The following NSMAF variants were observed in gnomAD, a reference collection of about 807,000 sequenced individuals.
The protein encoded by NSMAF is neutral sphingomyelinase activation associated factor, also known as protein FAN.
Under a neutral mutation model 134.9 loss-of-function variants are expected in NSMAF, and 90 were observed. That is an observed-to-expected ratio of 0.67 (90% CI 0.56 to 0.79). NSMAF has a LOEUF of 0.79. NSMAF is among the 30% of genes least tolerant of loss of function. NSMAF has a pLI of 0.00. For synonymous variants in NSMAF, 358 were observed against 389.6 expected (o/e 0.92, Z 0.96); for missense variants, 1,010 against 1,119.0 (o/e 0.90, Z 1.39).
chr8:58,653,083 G>T (rs1250976143), intron 1 of NSMAF, among the ~76,000 whole-genome samples: 2 of 152,162 alleles, frequency 1.3e-5, no homozygotes, highest in Non-Finnish European at 2.9e-5. Flanking sequence ...AACTGAGGAT[G>T]GGGGCACAGC....
At position 58,595,639 on chromosome 8, in the gene NSMAF, G is replaced by A; in HGVS notation, c.1813C>T (p.Leu605=). ...DSPGEESFED[L]TEESKTLAWN... ...GCCAGTGTTTTGCTTTCTTCGGTCAGGTCTTCAAAAGACTCTTCACCTGGA... is the reference window on the plus strand; with the variant it reads ...GCCAGTGTTTTGCTTTCTTCGGTCAAGTCTTCAAAAGACTCTTCACCTGGA... Residue 605 remains leucine (L), a synonymous_variant, in exon 22 of 31, where the codon CTG becomes TTG. Transcript: ENST00000038176. The A allele has an allele frequency of 1.9e-6, 3 of 1,613,714 alleles. No homozygotes were observed. Among genetic ancestry groups the A allele is most frequent in the Non-Finnish European group, 8.5e-7 (1 of 1,179,748 alleles).
rs746607525 is a variant in NSMAF, at chr8:58,590,829, C to G, written c.2019+38G>C. The G allele has an allele frequency of 1.2e-5, 19 of 1,524,106 alleles. No homozygotes were observed. In the African/African-American group the frequency reaches 2.1e-4, roughly 16 times the overall value. The allele number at this position is 1,524,106 out of a possible 1,614,324, so 94.4% of individuals were successfully genotyped here. A position where few individuals can be genotyped will look rare whatever the true frequency, so the allele number is the denominator to read the frequency against. Reference sequence around the variant, plus strand: ...TGGGTGTGTATAAAACAAACTACTACACGGATTTCTATCATAATACTATTA... The same window carrying G: ...TGGGTGTGTATAAAACAAACTACTAGACGGATTTCTATCATAATACTATTA... On this transcript the variant is annotated intron_variant, in intron 24 of 30. Transcript: ENST00000038176.
intron 2 of NSMAF, among the ~76,000 whole-genome samples, chr8:58,637,682 G>A (rs754591361): frequency 7.9e-5 from 12 of 152,076 alleles, no homozygotes; most frequent in South Asian, 2.1e-4. Flanking sequence ...AAAAAACAGC[G>A]TTGCATTTCT....
chr8:58,607,623 G>A, intron 11 of NSMAF, 146 bp downstream of exon 11: 1 of 657,670 alleles, frequency 1.5e-6, no homozygotes, highest in Non-Finnish European at 2.7e-6. Flanking sequence ...TTCTCCAAAA[G>A]AAAGAACAGC....
chr8:58,629,184 C>T (rs1323818893), intron 6 of NSMAF, among the ~76,000 whole-genome samples: 2 of 152,092 alleles, frequency 1.3e-5, no homozygotes, highest in East Asian at 1.9e-4. Flanking sequence ...GTCCACTTGA[C>T]GGTGTGTCAT....
rs1806837781 is a variant in NSMAF at position 58,623,401 on chromosome 8, G to T, written c.480C>A (p.Asp160Glu). 6.2e-6 allele frequency: 10 copies of T among 1,614,056 alleles called. No homozygotes were observed. Among genetic ancestry groups the T allele is most frequent in the Non-Finnish European group, 8.5e-6 (10 of 1,179,936 alleles). ...LLQLHRASCL[D>E]KLGDQTAMIT... ...CCATGGCGGTTTGGTCACCCAATTT[G>T]TCAAGGCAGGATGCTCTGTGAAGCT... Residue 160 changes from aspartate to glutamate, a missense_variant, in exon 8 of 31, where the codon GAC becomes GAA. Physicochemically the swap from Asp to Glu is conservative, Grantham distance 45. Transcript: ENST00000038176.
chr8:58,643,073 T>C lies in NSMAF; in HGVS notation c.60A>G (p.Arg20=), dbSNP rs2129147334. The C allele has an allele frequency of 6.2e-7, 1 of 1,613,532 alleles. No individual in the cohort carries two copies. Among genetic ancestry groups the C allele is most frequent in the East Asian group, 2.2e-5 (1 of 44,854 alleles). Residue 20 remains arginine (R), a splice_region_variant and synonymous_variant, in exon 2 of 31, where the codon AGA becomes AGG. Coordinates refer to ENST00000038176, the MANE Select transcript of NSMAF (RefSeq NM_003580.4). Reference sequence around the variant, plus strand: ...CCAAGTTAAGCAGCAGCAAGGAAAATCTGGATTTGGGGCGAAAAAACAACT... The same window carrying C: ...CCAAGTTAAGCAGCAGCAAGGAAAACCTGGATTTGGGGCGAAAAAACAACT... The part of the protein sequence containing the change: ...EQQLQLYSKE[R]FSLLLLNLEE...
At chr8:58,657,507 C>A (rs766765582) in intron 1 of NSMAF, among the ~76,000 whole-genome samples, 1 of 152,204 alleles carries the variant, frequency 6.6e-6, no homozygotes, top group Non-Finnish European at 1.5e-5. Context: ...CCGGAAAAAT[C>A]TGGGCAGAAA....
At chr8:58,643,606 CAAGT>C (rs1807381974) in intron 1 of NSMAF, among the ~76,000 whole-genome samples, 1 of 151,530 alleles carries the variant, frequency 6.6e-6, no homozygotes, top group Non-Finnish European at 1.5e-5. Flanking sequence ...AGTCTCAGCT[CAAGT>C]AACCTCCACC....
rs144534227 is a variant in NSMAF, at chr8:58,659,427, C to T, written c.59+146G>A. ...CGACCTCAGGTTTCCGCCACAGCCC[C>T]CAGCCCAGGCCCTGGACACGCGTCC... On this transcript the variant is annotated intron_variant, in intron 1 of 30. Coordinates refer to ENST00000038176, the MANE Select transcript of NSMAF (RefSeq NM_003580.4). 6,921 of 1,504,126 alleles carry T rather than the reference C, an allele frequency of 4.6e-3. 27 individuals carry two copies. The highest frequency in any genetic ancestry group is 5.4e-3 in the Non-Finnish European group (6,162 of 1,131,684). 93.2% of individuals were successfully genotyped at this position (1,504,126 alleles called of 1,614,324 possible).
At chr8:58,616,622 T>C (rs1806659822) in intron 9 of NSMAF, among the ~76,000 whole-genome samples, 1 of 152,150 alleles carries the variant, frequency 6.6e-6, no homozygotes, top group Admixed American at 6.5e-5. Flanking sequence ...AGGGCAGCTA[T>C]GAAAAACCTA....
At chr8:58,601,058 T>G in intron 16 of NSMAF, 1 of 383,402 alleles carries the variant, frequency 2.6e-6, no homozygotes, top group Non-Finnish European at 4.6e-6. Context: ...CTTTAAGATT[T>G]AATATTAGGC....
intron 2 of NSMAF, among the ~76,000 whole-genome samples, chr8:58,641,205 G>A (rs914399650): frequency 5.9e-5 from 9 of 152,006 alleles, no homozygotes; most frequent in African/African-American, 2.2e-4. Context: ...ACAGGCATGA[G>A]CCACCACACC....
At position 58,631,960 on chromosome 8, in the gene NSMAF, G is replaced by C. The variant is rs1218014178; in HGVS notation, c.334-414C>G. 8.5e-5 allele frequency among the ~76,000 whole-genome samples: 13 copies of C among 152,112 alleles called. 1 individual carries two copies. ...AACTTAGAGGTCATCTGGGCACATGGTGTTTTCACATGCACTGGGCCACTG... is the reference window on the plus strand; with the variant it reads ...AACTTAGAGGTCATCTGGGCACATGCTGTTTTCACATGCACTGGGCCACTG... On this transcript the variant is annotated intron_variant, in intron 5 of 30. Coordinates refer to ENST00000038176, the MANE Select transcript of NSMAF (RefSeq NM_003580.4).
intron 16 of NSMAF, 23 bp from the exon 17 acceptor site, chr8:58,600,044 C>A: frequency 6.3e-7 from 1 of 1,594,754 alleles, no homozygotes. Flanking sequence ...AAAAAATTCA[C>A]CTATTTTCAG....
intron 6 of NSMAF, among the ~76,000 whole-genome samples, chr8:58,630,067 C>A (rs1807022944): frequency 6.6e-6 from 1 of 152,208 alleles, no homozygotes. Context: ...AAGCTAGAGG[C>A]TGGGAAATTT....
intron 13 of NSMAF, 72 bp from the exon 14 acceptor site, chr8:58,602,209 T>C (rs2129141265): frequency 2.6e-6 from 3 of 1,172,270 alleles, no homozygotes; most frequent in South Asian, 2.8e-5. Context: ...AATTCAAATA[T>C]ACACATTTAC....
chr8:58,617,648 A>C (rs1287810451), intron 9 of NSMAF, among the ~76,000 whole-genome samples: 2 of 152,178 alleles, frequency 1.3e-5, no homozygotes, highest in Non-Finnish European at 2.9e-5. Flanking sequence ...AATCATTAAA[A>C]AGTCAGGAAA....
intron 12 of NSMAF, among the ~76,000 whole-genome samples, 185 bp from the exon 13 acceptor site, chr8:58,603,571 T>C (rs974213140): frequency 2.0e-5 from 3 of 152,148 alleles, no homozygotes; most frequent in Non-Finnish European, 4.4e-5. Flanking sequence ...AGTTCCAAGA[T>C]CAAGGAGGGG....
Sources: allele counts gnomAD v4.1 joint callset (sites outside exome capture counted in the v4.1 genomes callset), GRCh38; gene constraint gnomAD v4.1.1; transcripts MANE v1.5; gene names NCBI Gene and HGNC (gene_info 2026-07-23, HGNC 2026-07-21).